TTLL11: variants seen among roughly 807,000 people sequenced by gnomAD.
TTLL11 encodes tubulin tyrosine ligase like 11, also known as tubulin polyglutamylase TTLL11.
Under a neutral mutation model 51.7 loss-of-function variants are expected in TTLL11, and 42 were observed. That is an observed-to-expected ratio of 0.81 (90% confidence interval 0.64 to 1.05). The LOEUF (loss-of-function observed/expected upper bound fraction) is 1.05. TTLL11 is among the 50% of genes least tolerant of loss of function. The pLI is 0.00. For synonymous variants in TTLL11, 381 were observed against 383.5 expected (o/e 0.99, Z 0.08); for missense variants, 799 against 940.4 (o/e 0.85, Z 1.97).
chr9:121,974,387 A>G (rs1842649243), intron 5 of TTLL11, among the ~76,000 whole-genome samples: 1 of 152,252 alleles, frequency 6.6e-6, no homozygotes, highest in South Asian at 2.1e-4. Flanking sequence ...AGAAATATAG[A>G]AAGGGGTTAA....
At position 121,860,452 on chromosome 9, in the gene TTLL11, A is replaced by G; in HGVS notation, c.1734-9T>C. On this transcript the variant is annotated splice_polypyrimidine_tract_variant and intron_variant, in intron 7 of 8. Transcript: ENST00000321582. Reference sequence around the variant, plus strand: ...TGCTGAGTTTGCAGCTCCTGCCAACAATGGGAAGTGACATGTCACTGCCAG... The same window carrying G: ...TGCTGAGTTTGCAGCTCCTGCCAACGATGGGAAGTGACATGTCACTGCCAG... 3 of 1,549,676 alleles carry G rather than the reference A, an allele frequency of 1.9e-6. No homozygotes were observed. Among genetic ancestry groups the G allele is most frequent in the South Asian group, 1.2e-5 (1 of 83,938 alleles).
intron 4 of TTLL11, among the ~76,000 whole-genome samples, chr9:121,985,282 T>C (rs570910699): frequency 2.6e-4 from 40 of 152,266 alleles, no homozygotes; most frequent in Non-Finnish European, 4.4e-4. Context: ...CTTTATCTCA[T>C]TGGAATTTGA....
chr9:121,984,250 A>C (rs1842893539), intron 4 of TTLL11, among the ~76,000 whole-genome samples: 1 of 133,138 alleles, frequency 7.5e-6, no homozygotes, highest in Admixed American at 7.8e-5. Flanking sequence ...GTTAGGTTTA[A>C]AATGTGAATA....
At chr9:122,025,906 G>A (rs1167611057) in intron 3 of TTLL11, among the ~76,000 whole-genome samples, 1 of 152,160 alleles carries the variant, frequency 6.6e-6, no homozygotes, top group East Asian at 1.9e-4. Flanking sequence ...TGCAGCAGGT[G>A]AAGGTCTAAG....
chr9:121,903,555 T>C (rs1377583166), intron 6 of TTLL11, among the ~76,000 whole-genome samples: 2 of 152,222 alleles, frequency 1.3e-5, no homozygotes, highest in Non-Finnish European at 2.9e-5. Flanking sequence ...TGTTTTCTTA[T>C]CCTTAAAATG....
chr9:121,847,127 G>A (rs1431676437), intron 8 of TTLL11, among the ~76,000 whole-genome samples: 3 of 150,492 alleles, frequency 2.0e-5, no homozygotes, highest in African/African-American at 4.9e-5. Flanking sequence ...GAAGAATGGC[G>A]TGAACCCGGG....
chr9:122,001,639 G>C (rs966177157), intron 3 of TTLL11, among the ~76,000 whole-genome samples: 4 of 152,122 alleles, frequency 2.6e-5, no homozygotes, highest in African/African-American at 9.7e-5. Flanking sequence ...ACAAGCCCAG[G>C]GTGGGCAGAG....
intron 3 of TTLL11, among the ~76,000 whole-genome samples, chr9:122,026,926 A>C (rs947759864): frequency 2.0e-5 from 3 of 147,490 alleles, no homozygotes; most frequent in Non-Finnish European, 3.0e-5. Context: ...AAAAAAAAAA[A>C]AAAAACTAGC....
intron 6 of TTLL11, among the ~76,000 whole-genome samples, chr9:121,878,566 G>A (rs556743659): frequency 2.4e-4 from 36 of 152,256 alleles, no homozygotes; most frequent in Middle Eastern, 6.8e-3. Flanking sequence ...GCCAGGCGAC[G>A]CATTAACTGA....
intron 6 of TTLL11, among the ~76,000 whole-genome samples, chr9:121,968,919 G>A (rs1008732644): frequency 5.3e-5 from 8 of 151,736 alleles, no homozygotes; most frequent in Non-Finnish European, 1.0e-4. Context: ...ACCCAGGCTG[G>A]AGGGTAGTGG....
intron 3 of TTLL11, among the ~76,000 whole-genome samples, chr9:122,003,947 C>G (rs1843561382): frequency 6.6e-6 from 1 of 150,756 alleles, no homozygotes; most frequent in Admixed American, 6.6e-5. Flanking sequence ...AACCCCGTCT[C>G]TACTAAAAAT....
intron 6 of TTLL11, among the ~76,000 whole-genome samples, chr9:121,909,085 T>C (rs1423149439): frequency 2.6e-5 from 4 of 152,198 alleles, no homozygotes; most frequent in African/African-American, 9.7e-5. Flanking sequence ...TCCCTTCATG[T>C]GTTCATATGT....
At chr9:121,848,078 A>T (rs1837568872) in intron 8 of TTLL11, among the ~76,000 whole-genome samples, 1 of 152,226 alleles carries the variant, frequency 6.6e-6, no homozygotes. Flanking sequence ...GTGGGGGCAC[A>T]TGCCTGTAGC....
At chr9:122,039,828 A>G (rs958300441) in intron 1 of TTLL11, among the ~76,000 whole-genome samples, 1 of 151,988 alleles carries the variant, frequency 6.6e-6, no homozygotes, top group Admixed American at 6.6e-5. Context: ...AACCGAGCCC[A>G]AAAGAATAAG....
chr9:122,070,840 G>A (rs1317942445), intron 1 of TTLL11, among the ~76,000 whole-genome samples: 1 of 152,132 alleles, frequency 6.6e-6, no homozygotes, highest in African/African-American at 2.4e-5. Flanking sequence ...TGGTGTACAC[G>A]GGCACAGGCT....
chr9:122,050,704 A>G (rs1004588969), intron 1 of TTLL11, among the ~76,000 whole-genome samples: 6 of 152,188 alleles, frequency 3.9e-5, no homozygotes, highest in Middle Eastern at 3.4e-3. Context: ...GATATTTAGG[A>G]TATTTTTATA....
intron 6 of TTLL11, among the ~76,000 whole-genome samples, chr9:121,969,647 G>C (rs1281365044): frequency 6.6e-6 from 1 of 152,142 alleles, no homozygotes; most frequent in Non-Finnish European, 1.5e-5. Flanking sequence ...ATCCTCTTTT[G>C]CTAAAGAGTT....
chr9:121,939,751 C>T (rs1176759178), intron 6 of TTLL11, among the ~76,000 whole-genome samples: 1 of 152,188 alleles, frequency 6.6e-6, no homozygotes, highest in Non-Finnish European at 1.5e-5. Context: ...GACCCCAGCA[C>T]TGAGATAATC....
chr9:121,892,869 A>G (rs1477327922), intron 6 of TTLL11, among the ~76,000 whole-genome samples: 1 of 152,144 alleles, frequency 6.6e-6, no homozygotes. Flanking sequence ...GAGCAGTGTC[A>G]GGTCTGGCAG....
Sources: gnomAD v4.1 joint callset for allele counts (sites outside exome capture counted in the v4.1 genomes callset) on GRCh38, gnomAD v4.1.1 for gene constraint, MANE v1.5 for transcripts, NCBI Gene and HGNC (gene_info 2026-07-23, HGNC 2026-07-21) for gene names.